Variants in WWOX observed in about 807,000 individuals in gnomAD.
The protein encoded by WWOX is WW domain-containing oxidoreductase.
WWOX carries 69 observed loss-of-function variants against 46.2 expected under a neutral mutation model. The observed-to-expected ratio is 1.49, with a 90% CI of 1.23 to 1.82. The LOEUF (loss-of-function observed/expected upper bound fraction) is 1.82, where lower values mean the gene tolerates loss of function less well. Ranked by LOEUF, WWOX falls within the 40% of genes most tolerant of loss-of-function variation. The pLI, the probability that WWOX is intolerant of heterozygous loss-of-function variation, is 0.00. For missense variants in WWOX, 919 were observed against 542.6 expected (o/e 1.69, Z -6.89); for synonymous variants, 359 against 202.6 (o/e 1.77, Z -6.56).
chr16:78,763,877 G>T (rs191908163), intron 8 of WWOX, among the ~76,000 whole-genome samples: 36 of 152,264 alleles, frequency 2.4e-4, no homozygotes, highest in African/African-American at 8.4e-4. Context: ...TGGGGAGTCT[G>T]TATGCAATTG....
At chr16:78,850,906 T>G (rs773724602) in intron 8 of WWOX, among the ~76,000 whole-genome samples, 2 of 152,248 alleles carry the variant, frequency 1.3e-5, no homozygotes, top group Non-Finnish European at 2.9e-5. Flanking sequence ...TGATCACTTA[T>G]TGATCAGTCA....
At chr16:78,796,126 C>T (rs2050730442) in intron 8 of WWOX, among the ~76,000 whole-genome samples, 1 of 152,204 alleles carries the variant, frequency 6.6e-6, no homozygotes, top group South Asian at 2.1e-4. Context: ...TTTAGAAACG[C>T]CCCTTGCCTT....
intron 8 of WWOX, among the ~76,000 whole-genome samples, chr16:78,922,797 C>G (rs1028695169): frequency 6.6e-6 from 1 of 152,166 alleles, no homozygotes; most frequent in Non-Finnish European, 1.5e-5. Context: ...TCAGGAGTAA[C>G]TAAAGGAACT....
At chr16:79,106,661 G>A (rs1212515721) in intron 8 of WWOX, 1 of 135,624 alleles carries the variant, frequency 7.4e-6, no homozygotes, top group East Asian at 2.1e-4. Flanking sequence ...GCAGTGTCAG[G>A]ATCATAGCTC....
At chr16:78,663,054 C>G (rs868783425) in intron 8 of WWOX, among the ~76,000 whole-genome samples, 4 of 152,160 alleles carry the variant, frequency 2.6e-5, no homozygotes, top group Non-Finnish European at 5.9e-5. Flanking sequence ...AATTCATTGG[C>G]TTATCGTATA....
At chr16:78,952,773 C>T (rs1388788750) in intron 8 of WWOX, among the ~76,000 whole-genome samples, 1 of 152,078 alleles carries the variant, frequency 6.6e-6, no homozygotes, top group Non-Finnish European at 1.5e-5. Flanking sequence ...CCAACGTATC[C>T]CTACTGCCCA....
At chr16:79,157,442 A>G (rs1261638453) in intron 8 of WWOX, among the ~76,000 whole-genome samples, 2 of 124,666 alleles carry the variant, frequency 1.6e-5, no homozygotes, top group African/African-American at 8.7e-5. Flanking sequence ...AAAAAGAAAG[A>G]AACCACAAAA....
chr16:78,307,458 A>C (rs1047795609), intron 5 of WWOX, among the ~76,000 whole-genome samples: 2 of 152,106 alleles, frequency 1.3e-5, no homozygotes, highest in African/African-American at 4.8e-5. Context: ...TGTGACTACG[A>C]AAGAGGAGGA....
chr16:78,122,944 C>G (rs1414237008), intron 4 of WWOX, among the ~76,000 whole-genome samples: 3 of 152,030 alleles, frequency 2.0e-5, no homozygotes, highest in Non-Finnish European at 4.4e-5. Flanking sequence ...GCAGAACCAT[C>G]TTTATATATT....
intron 8 of WWOX, among the ~76,000 whole-genome samples, chr16:79,034,696 A>C (rs907213903): frequency 6.6e-5 from 10 of 151,408 alleles, no homozygotes; most frequent in African/African-American, 2.4e-4. Flanking sequence ...TTTTCAAAGC[A>C]CTTAATTATT....
intron 8 of WWOX, among the ~76,000 whole-genome samples, chr16:78,570,270 A>G (rs1303738753): frequency 2.0e-5 from 3 of 152,184 alleles, no homozygotes; most frequent in African/African-American, 7.2e-5. Context: ...TTGCGTATAA[A>G]TGTCCAGTTT....
chr16:78,987,038 T>C (rs1362671343), intron 8 of WWOX, among the ~76,000 whole-genome samples: 1 of 152,082 alleles, frequency 6.6e-6, no homozygotes, highest in African/African-American at 2.4e-5. Flanking sequence ...GAAATGATCC[T>C]AGGGCTTTCT....
chr16:78,772,960 G>A (rs2050099996), intron 8 of WWOX, among the ~76,000 whole-genome samples: 1 of 152,208 alleles, frequency 6.6e-6, no homozygotes, highest in South Asian at 2.1e-4. Context: ...AGGAGGCTGA[G>A]GCTGCAGAAA....
chr16:78,654,047 C>A (rs1327492413), intron 8 of WWOX, among the ~76,000 whole-genome samples: 2 of 152,214 alleles, frequency 1.3e-5, no homozygotes, highest in Admixed American at 6.5e-5. Flanking sequence ...GCAGAAATTT[C>A]TGAAGTCGTC....
chr16:78,685,862 C>T (rs1049984396), intron 8 of WWOX, among the ~76,000 whole-genome samples: 4 of 141,896 alleles, frequency 2.8e-5, no homozygotes, highest in African/African-American at 1.0e-4. Context: ...GATCTGAGAG[C>T]AGGGCCAAGA....
chr16:78,524,114 A>G lies in WWOX; in HGVS notation c.1056+91362A>G, dbSNP rs138655793. ...AACATGAAGTGTGTTTTAGTCGGCAAACATCACTTTGTAATTCTCTGATGT... is the reference window on the plus strand; with the variant it reads ...AACATGAAGTGTGTTTTAGTCGGCAGACATCACTTTGTAATTCTCTGATGT... On this transcript the variant is annotated intron_variant, in intron 8 of 8. Transcript: ENST00000566780. 2.6e-5 allele frequency among the ~76,000 whole-genome samples: 4 copies of G among 152,310 alleles called. No homozygotes were observed. The East Asian group carries it at 7.7e-4, about 29-fold the overall frequency.
At chr16:79,099,215 A>G (rs12925895) in intron 8 of WWOX, among the ~76,000 whole-genome samples, 4,200 of 151,182 alleles carry the variant, frequency 0.028, 83 homozygotes, top group Middle Eastern at 0.068. Context: ...CCATGACCCA[A>G]ACACCTCCCG....
At chr16:79,171,752 C>A (rs551659451) in intron 8 of WWOX, among the ~76,000 whole-genome samples, 1 of 152,146 alleles carries the variant, frequency 6.6e-6, no homozygotes, top group African/African-American at 2.4e-5. Context: ...GCTATGGAAA[C>A]GAGTAAAGTT....
intron 8 of WWOX, among the ~76,000 whole-genome samples, chr16:78,603,714 A>G (rs1250974960): frequency 6.6e-6 from 1 of 152,154 alleles, no homozygotes; most frequent in South Asian, 2.1e-4. Context: ...TAAATATAAA[A>G]TAAAATAAAA....
Sources: allele counts gnomAD v4.1 joint callset (sites outside exome capture counted in the v4.1 genomes callset), GRCh38; gene constraint gnomAD v4.1.1; transcripts MANE v1.5; gene names NCBI Gene and HGNC (gene_info 2026-07-23, HGNC 2026-07-21).